SEMA5A: variants seen among roughly 807,000 people sequenced by gnomAD.
SEMA5A encodes the protein semaphorin 5A.
SEMA5A carries 55 observed loss-of-function variants against 135.5 expected under a neutral mutation model. That is an observed-to-expected ratio of 0.41 (90% CI 0.33 to 0.51). The LOEUF is 0.51. Among genes scored for constraint, SEMA5A ranks in the 20% least tolerant of loss-of-function variants. The pLI is 0.37. For synonymous variants in SEMA5A, 580 were observed against 546.5 expected, an observed-to-expected ratio of 1.06 and a Z score of -0.85; for missense variants, 1,290 against 1,419.9, an observed-to-expected ratio of 0.91 and a Z score of 1.47.
At position 9,307,455 on chromosome 5, in the gene SEMA5A, C is replaced by G. The variant is rs1393040449; in HGVS notation, c.270+10917G>C. On this transcript the variant is annotated intron_variant, in intron 5 of 22. Transcript: ENST00000382496. ...AGTCAACAAATTAAGGGTTCCAATCCATCCACTCCAGAGAGTGGTCAGCCA... is the reference window on the plus strand; with the variant it reads ...AGTCAACAAATTAAGGGTTCCAATCGATCCACTCCAGAGAGTGGTCAGCCA... 4.6e-5 allele frequency among the ~76,000 whole-genome samples: 7 copies of G among 151,932 alleles called. No individual in the cohort carries two copies. The East Asian group carries it at 1.4e-3, about 29-fold the overall frequency.
At chr5:9,365,145 A>T (rs1288445854) in intron 3 of SEMA5A, among the ~76,000 whole-genome samples, 1 of 152,202 alleles carries the variant, frequency 6.6e-6, no homozygotes, top group Non-Finnish European at 1.5e-5. Flanking sequence ...TACAGAACTG[A>T]CAACACAGCT....
chr5:9,405,634 T>A (rs112832246), intron 2 of SEMA5A, among the ~76,000 whole-genome samples: 1 of 115,778 alleles, frequency 8.6e-6, no homozygotes, highest in Non-Finnish European at 2.1e-5. Flanking sequence ...CACAGCCCCC[T>A]GTCTCTTGGG....
intron 5 of SEMA5A, among the ~76,000 whole-genome samples, chr5:9,263,822 T>C (rs935688439): frequency 6.6e-6 from 1 of 152,194 alleles, no homozygotes; most frequent in Non-Finnish European, 1.5e-5. Context: ...TGGCTGAGTT[T>C]TCCCTGTGTC....
In SEMA5A at chr5:9,042,791, G is replaced by A. The variant is rs1007794873; in HGVS notation, c.*106C>T. The A allele has an allele frequency of 9.2e-6, 13 of 1,407,548 alleles. No individual in the cohort carries two copies. The African/African-American group carries it at 1.2e-4, about 12-fold the overall frequency. 87.2% of individuals were successfully genotyped at this position (1,407,548 alleles called of 1,614,324 possible). A position where few individuals can be genotyped will look rare whatever the true frequency, so the allele number is the denominator to read the frequency against. On this transcript the variant is annotated 3_prime_UTR_variant, in exon 23 of 23. Transcript: ENST00000382496. The stretch of plus-strand genomic sequence containing the variant: ...CACTCTGGTGGCTTGAAATGCACTT[G>A]AAATGTATCCAAACTTCGACTCTGA...
chr5:9,245,791 C>T (rs1193790242), intron 5 of SEMA5A, among the ~76,000 whole-genome samples: 2 of 152,130 alleles, frequency 1.3e-5, no homozygotes, highest in Non-Finnish European at 2.9e-5. Context: ...CTCAGAAGCA[C>T]CTCTAGAATC....
chr5:9,196,975 A>G, intron 10 of SEMA5A, among the ~76,000 whole-genome samples, 193 bp downstream of exon 10: 1 of 152,202 alleles, frequency 6.6e-6, no homozygotes, highest in Middle Eastern at 3.2e-3. Context: ...TTCTGGGTCC[A>G]GGCGCCACAG....
intron 4 of SEMA5A, among the ~76,000 whole-genome samples, chr5:9,336,180 G>A (rs1227368462): frequency 6.6e-6 from 1 of 151,944 alleles, no homozygotes; most frequent in Non-Finnish European, 1.5e-5. Context: ...AGGTCAGAAG[G>A]GAAAAAGCCC....
chr5:9,068,179 T>C (rs1737578434), intron 16 of SEMA5A, among the ~76,000 whole-genome samples: 1 of 152,216 alleles, frequency 6.6e-6, no homozygotes, highest in Non-Finnish European at 1.5e-5. Flanking sequence ...TGTTAGATTG[T>C]TTCTTCTGTG....
Position 9,050,462 on chromosome 5 carries a change from A to C in SEMA5A, c.2846-5T>G, listed in dbSNP as rs1736507928. 1.2e-6 allele frequency: 2 copies of C among 1,612,296 alleles called. No individual in the cohort carries two copies. Among genetic ancestry groups the C allele is most frequent in the South Asian group, 2.2e-5 (2 of 90,448 alleles). On this transcript the variant is annotated splice_region_variant and splice_polypyrimidine_tract_variant and intron_variant, in intron 20 of 22. Coordinates refer to ENST00000382496, the MANE Select transcript of SEMA5A (RefSeq NM_003966.3). ...TGGATCTTGCCACAGATACTTCTGG[A>C]AAAAGAAAAGTCGAATCACAATGTG... is the stretch of plus-strand genomic sequence containing the variant.
rs532887927 is a variant in SEMA5A at position 9,438,234 on chromosome 5, A to C, written c.-174-382T>G. ...TATGAATTTATCCTTTTCATGACTC[A>C]TTCCACTTTTTGGAACACATGGTAC... is the stretch of plus-strand genomic sequence containing the variant. On this transcript the variant is annotated intron_variant, in intron 1 of 22. Coordinates refer to ENST00000382496, the MANE Select transcript of SEMA5A (RefSeq NM_003966.3). 2.4e-4 allele frequency among the ~76,000 whole-genome samples: 33 copies of C among 138,036 alleles called. No individual in the cohort carries two copies. The East Asian group carries it at 3.9e-3, about 16-fold the overall frequency. The allele number at this position is 138,036 out of a possible 152,430, so 90.6% of individuals were successfully genotyped here.
chr5:9,430,975 G>A (rs1425428623), intron 2 of SEMA5A, among the ~76,000 whole-genome samples: 3 of 151,972 alleles, frequency 2.0e-5, no homozygotes, highest in Admixed American at 2.0e-4. Context: ...ACAGCATAGA[G>A]GGAAAAATAA....
chr5:9,199,466 C>A (rs879272999), intron 9 of SEMA5A, among the ~76,000 whole-genome samples: 3 of 152,198 alleles, frequency 2.0e-5, no homozygotes, highest in Non-Finnish European at 2.9e-5. Context: ...AGTACATATT[C>A]ACTCGCTTCT....
In SEMA5A at chr5:9,426,760, C is replaced by T. The variant is rs1384143782; in HGVS notation, c.-78+10996G>A. ...ATCATTTAGTAATTGCTCAAGAAAA[C>T]AAGAATAACTTTGTACATTATCTGC... is the stretch of plus-strand genomic sequence containing the variant. On this transcript the variant is annotated intron_variant, in intron 2 of 22. Coordinates refer to ENST00000382496, the MANE Select transcript of SEMA5A (RefSeq NM_003966.3). Among the ~76,000 whole-genome samples, 3 of 152,028 alleles carry T rather than the reference C, an allele frequency of 2.0e-5. No homozygotes were observed. In the East Asian group the frequency reaches 5.8e-4, roughly 29 times the overall value.
chr5:9,078,813 G>T (rs1321249577), intron 16 of SEMA5A, among the ~76,000 whole-genome samples: 4 of 152,040 alleles, frequency 2.6e-5, no homozygotes, highest in Non-Finnish European at 5.9e-5. Flanking sequence ...CCATACTCAT[G>T]TCCTTGGGAA....
chr5:9,281,368 A>T (rs929304), intron 5 of SEMA5A, among the ~76,000 whole-genome samples: 12,439 of 152,244 alleles, frequency 0.082, 645 homozygotes, highest in East Asian at 0.25. Context: ...CCAAATAGGG[A>T]TAGTTTTGCC....
intron 1 of SEMA5A, chr5:9,523,194 G>A (rs464616): frequency 0.28 from 42,835 of 151,508 alleles, 6,319 homozygotes; most frequent in East Asian, 0.4. Context: ...ACTCAGCTCC[G>A]CAGAGAACAA....
At chr5:9,126,978 C>T (rs1033348239) in intron 13 of SEMA5A, among the ~76,000 whole-genome samples, 1 of 152,148 alleles carries the variant, frequency 6.6e-6, no homozygotes, top group Non-Finnish European at 1.5e-5. Context: ...GCCTATTCTT[C>T]AGCAAAGGTC....
intron 11 of SEMA5A, among the ~76,000 whole-genome samples, chr5:9,171,287 A>T (rs139143520): frequency 5.5e-4 from 84 of 152,254 alleles, no homozygotes; most frequent in Middle Eastern, 3.4e-3. Context: ...AAGCCCAAGG[A>T]TTGGTAACAG....
chr5:9,515,663 T>C (rs772196245), intron 1 of SEMA5A, among the ~76,000 whole-genome samples: 5 of 152,194 alleles, frequency 3.3e-5, no homozygotes, highest in Admixed American at 1.3e-4. Flanking sequence ...GCTAACCTGA[T>C]AGTCCCCGGG....
Sources: allele counts gnomAD v4.1 joint callset (sites outside exome capture counted in the v4.1 genomes callset), GRCh38; gene constraint gnomAD v4.1.1; transcripts MANE v1.5; gene names NCBI Gene and HGNC (gene_info 2026-07-23, HGNC 2026-07-21).